The following COL7A1 variants were observed in gnomAD, a reference collection of about 807,000 sequenced individuals.
COL7A1 encodes the protein collagen type VII alpha 1 chain, also known as collagen alpha-1(VII) chain.
COL7A1 carries 296 observed loss-of-function variants against 456.2 expected under a neutral mutation model. The observed-to-expected ratio is 0.65, with a 90% confidence interval of 0.59 to 0.71. The LOEUF is 0.71. Among genes scored for constraint, COL7A1 ranks in the 30% least tolerant of loss-of-function variants. The pLI, the probability that COL7A1 is intolerant of heterozygous loss-of-function variation, is 0.00. For synonymous variants in COL7A1, 1,464 were observed against 1,525.9 expected (o/e 0.96, Z 0.95); for missense variants, 3,441 against 4,017.2 (o/e 0.86, Z 3.88).
Position 48,590,953 on chromosome 3 carries a change from G to C in COL7A1, c.1637-137C>G. The C allele has an allele frequency of 1.0e-6, 1 of 962,934 alleles. No individual in the cohort carries two copies. The highest frequency in any genetic ancestry group is 1.4e-5 in the South Asian group (1 of 71,922). The allele number at this position is 962,934 out of a possible 1,614,324, so 59.6% of individuals were successfully genotyped here. On this transcript the variant is annotated intron_variant, in intron 13 of 118. Coordinates refer to ENST00000681320, the MANE Select transcript of COL7A1 (RefSeq NM_000094.4). The surrounding 1 kb of genome is among the most constrained non-coding windows in gnomAD (Gnocchi z 4.6). ...TGGGGTGGTGGGGACCAGAGAGCTG[G>C]GATATGGCTGAAAAAAGTGAGTGCA...
Position 48,588,471 on chromosome 3 carries a change from C to A in COL7A1, c.2588-67G>T. 1 of 1,595,328 alleles carries A rather than the reference C, an allele frequency of 6.3e-7. No individual in the cohort carries two copies. Among genetic ancestry groups the A allele is most frequent in the Non-Finnish European group, 8.5e-7 (1 of 1,176,038 alleles). On this transcript the variant is annotated intron_variant, in intron 20 of 118. Coordinates refer to ENST00000681320, the MANE Select transcript of COL7A1 (RefSeq NM_000094.4). The surrounding 1 kb of genome is among the most constrained non-coding windows in gnomAD (Gnocchi z 4.6). ...GGCCCCTGCACCAATCCCAGGCCCA[C>A]CCTGGCACACGCACCCCGCCCAGCC...
At chr3:48,584,267 C>T (rs748425294) in intron 37 of COL7A1, 31 bp downstream of exon 37, 2 of 1,585,220 alleles carry the variant, frequency 1.3e-6, no homozygotes, top group South Asian at 2.3e-5. Flanking sequence ...CACCAGGTCT[C>T]TGCATCACAT....
rs776344680 is a variant in COL7A1 at position 48,592,600 on chromosome 3, C to T, written c.946G>A (p.Gly316Arg). ...CGAGCTGTCCCGCTCACAGCCTCCCCGATGCTGTTGGCGTAGAGGGCAATC... is the reference window on the plus strand; with the variant it reads ...CGAGCTGTCCCGCTCACAGCCTCCCTGATGCTGTTGGCGTAGAGGGCAATC... ...TVIALYANSIGEAVSGTARTT... is the reference protein window; with the variant it reads ...TVIALYANSIREAVSGTARTT... The change falls in exon 8 of 119, where the codon GGG becomes AGG. Residue 316 changes from glycine to arginine, a missense_variant. Physicochemically the swap from Gly to Arg is moderately radical, Grantham distance 125. Coordinates refer to ENST00000681320, the MANE Select transcript of COL7A1 (RefSeq NM_000094.4). The surrounding 1 kb of genome is among the most constrained non-coding windows in gnomAD (Gnocchi z 7.6). The T allele has an allele frequency of 8.1e-6, 13 of 1,613,904 alleles. No homozygotes were observed. Among genetic ancestry groups the T allele is most frequent in the African/African-American group, 6.7e-5 (5 of 74,912 alleles).
rs779790595 is a variant in COL7A1 at position 48,592,068 on chromosome 3, G to C, written c.1240+34C>G. 8 of 1,613,978 alleles carry C rather than the reference G, an allele frequency of 5.0e-6. No homozygotes were observed. The highest frequency in any genetic ancestry group is 6.8e-6 in the Non-Finnish European group (8 of 1,180,008). ...CCTCCGGGCCTTGCCCTGCCTGCCC[G>C]TCCCAGCCTGAAGAAAGTGCCCAGC... On this transcript the variant is annotated intron_variant, in intron 10 of 118. Transcript: ENST00000681320. This position sits in a 1 kb window ranked among gnomAD's most constrained non-coding sequence, Gnocchi z 7.6.
chr3:48,580,979 C>T lies in COL7A1; in HGVS notation c.4936-53G>A. ...CACAGGGCAGTCAGGATCTAACTCACTCAGGGAGAGGGGACAGAGAAGGGT... is the reference window on the plus strand; with the variant it reads ...CACAGGGCAGTCAGGATCTAACTCATTCAGGGAGAGGGGACAGAGAAGGGT... On this transcript the variant is annotated intron_variant, in intron 53 of 118. Transcript: ENST00000681320. This position sits in a 1 kb window ranked among gnomAD's most constrained non-coding sequence, Gnocchi z 4.5. 1 of 1,611,118 alleles carries T rather than the reference C, an allele frequency of 6.2e-7. No individual in the cohort carries two copies. Among genetic ancestry groups the T allele is most frequent in the Non-Finnish European group, 8.5e-7 (1 of 1,177,926 alleles).
At position 48,588,023 on chromosome 3, in the gene COL7A1, C is replaced by G; in HGVS notation, c.2711-84G>C. 1 of 1,473,680 alleles carries G rather than the reference C, an allele frequency of 6.8e-7. No individual in the cohort carries two copies. Among genetic ancestry groups the G allele is most frequent in the Non-Finnish European group, 9.2e-7 (1 of 1,087,778 alleles). The allele number at this position is 1,473,680 out of a possible 1,614,324, so 91.3% of individuals were successfully genotyped here. A position where few individuals can be genotyped will look rare whatever the true frequency, so the allele number is the denominator to read the frequency against. On this transcript the variant is annotated intron_variant, in intron 21 of 118. Coordinates refer to ENST00000681320, the MANE Select transcript of COL7A1 (RefSeq NM_000094.4). The surrounding 1 kb of genome is among the most constrained non-coding windows in gnomAD (Gnocchi z 4.6). ...TTAAAGGGCCTGCCCACTTCACTGG[C>G]TCTGTTAACTGGGTTCACCCTCCTG...
At position 48,590,723 on chromosome 3, in the gene COL7A1, G is replaced by A. The variant is rs750167923; in HGVS notation, c.1730C>T (p.Ala577Val). The change falls in exon 14 of 119, where the codon GCT becomes GTT. Residue 577 changes from alanine to valine, a missense_variant. By Grantham distance (64) the Ala-to-Val change is moderately conservative (BLOSUM62 0). Around this residue, in one of 3 missense-constraint regions of COL7A1, gnomAD observed 913 missense variants for 1,088.2 expected, o/e 0.84. Coordinates refer to ENST00000681320, the MANE Select transcript of COL7A1 (RefSeq NM_000094.4). The surrounding 1 kb of genome is among the most constrained non-coding windows in gnomAD (Gnocchi z 4.6). ...ACTGCCCTCACGGGGACCCACTCGA[G>A]CAGACACCCGCACAGTGTAGCTAAG... The part of the protein sequence containing the change: ...AGLSYTVRVS[A>V]RVGPREGSAS... The A allele has an allele frequency of 1.2e-6, 2 of 1,614,022 alleles. No homozygotes were observed. The highest frequency in any genetic ancestry group is 1.1e-5 in the South Asian group (1 of 91,084).
rs557729440 is a variant in COL7A1, at chr3:48,593,777, G to A, written c.267-81C>T. 358 of 1,539,756 alleles carry A rather than the reference G, an allele frequency of 2.3e-4. 4 individuals are homozygous for A. In the South Asian group the frequency reaches 3.8e-3, roughly 16 times the overall value. On this transcript the variant is annotated intron_variant, in intron 3 of 118. Transcript: ENST00000681320. This position sits in a 1 kb window ranked among gnomAD's most constrained non-coding sequence, Gnocchi z 4.4. ...GCCTTGAGGAGGCCTCTAGGGTGAG[G>A]GTTACGGGTATCAGGCTCTCTTGAG... is the stretch of plus-strand genomic sequence containing the variant.
At position 48,565,287 on chromosome 3, in the gene COL7A1, A is replaced by G. The variant is rs1560192188; in HGVS notation, c.8528-86T>C. ...GCACTGATTTCCACTGTGTGCACAC[A>G]GTGCCCATGCGTGTGCCCTGCATGC... On this transcript the variant is annotated intron_variant, in intron 116 of 118. Coordinates refer to ENST00000681320, the MANE Select transcript of COL7A1 (RefSeq NM_000094.4). The surrounding 1 kb of genome is among the most constrained non-coding windows in gnomAD (Gnocchi z 4.5). The G allele has an allele frequency of 6.7e-7, 1 of 1,494,188 alleles. No homozygotes were observed. The allele number at this position is 1,494,188 out of a possible 1,614,324, so 92.6% of individuals were successfully genotyped here.
Position 48,593,846 on chromosome 3 carries a change from A to AC in COL7A1, c.267-151_267-150insG. 1 of 986,312 alleles carries AC rather than the reference A, an allele frequency of 1.0e-6. No homozygotes were observed. Among genetic ancestry groups the AC allele is most frequent in the Non-Finnish European group, 1.6e-6 (1 of 641,402 alleles). 61.1% of individuals were successfully genotyped at this position (986,312 alleles called of 1,614,324 possible). A position where few individuals can be genotyped will look rare whatever the true frequency, so the allele number is the denominator to read the frequency against. ...ATTCTCCACACCCACTTGCCTCTGG[A>AC]ACCCCCAGGTTAACAAACTCCCCAG... On this transcript the variant is annotated intron_variant, in intron 3 of 118. Transcript: ENST00000681320. The surrounding 1 kb of genome is among the most constrained non-coding windows in gnomAD (Gnocchi z 4.4).
Position 48,584,850 on chromosome 3 carries a change from C to T in COL7A1, c.4011+60G>A, listed in dbSNP as rs1212819447. ...GGCACTGCACCACCACCCCAGGCTCCCACCCTGTGGAAGAACCCTGGGAAG... is the reference window on the plus strand; with the variant it reads ...GGCACTGCACCACCACCCCAGGCTCTCACCCTGTGGAAGAACCCTGGGAAG... On this transcript the variant is annotated intron_variant, in intron 34 of 118. Transcript: ENST00000681320. 3.1e-6 allele frequency: 5 copies of T among 1,613,782 alleles called. No individual in the cohort carries two copies. The Admixed American group carries it at 8.3e-5, about 27-fold the overall frequency.
Position 48,565,641 on chromosome 3 carries a change from C to G in COL7A1, c.8435G>C (p.Gly2812Ala). The change falls in exon 115 of 119, where the codon GGA becomes GCA. Residue 2812 changes from glycine (G) to alanine (A), a missense_variant. Physicochemically the swap from Gly to Ala is moderately conservative, Grantham distance 60. This residue lies in a region of COL7A1 where 2,084 missense variants were observed against 2,501.3 expected (regional missense o/e 0.83). Coordinates refer to ENST00000681320, the MANE Select transcript of COL7A1 (RefSeq NM_000094.4). This position sits in a 1 kb window ranked among gnomAD's most constrained non-coding sequence, Gnocchi z 4.5. ...GGGAGTAGAAAACTACTCACGTGAT[C>G]CAGATGCGATGAACTGGCCCTGGCA... ...CACQGQFIASGSRPLPSYAAD... is the reference protein window; with the variant it reads ...CACQGQFIASASRPLPSYAAD... 1 of 1,613,888 alleles carries G rather than the reference C, an allele frequency of 6.2e-7. No homozygotes were observed. Among genetic ancestry groups the G allele is most frequent in the Non-Finnish European group, 8.5e-7 (1 of 1,179,966 alleles).
chr3:48,582,046 C>G lies in COL7A1; in HGVS notation c.4636-103G>C, dbSNP rs371403139. 1.9e-5 allele frequency: 29 copies of G among 1,522,980 alleles called. No homozygotes were observed. The African/African-American group carries it at 2.3e-4, about 12-fold the overall frequency. 94.3% of individuals were successfully genotyped at this position (1,522,980 alleles called of 1,614,324 possible). ...ACATGGAATTGGAAGTCATACAGCT[C>G]AGTCCCCGCCCAGAAGTCACAGAGT... On this transcript the variant is annotated intron_variant, in intron 47 of 118. Transcript: ENST00000681320.
chr3:48,594,351 C>G lies in COL7A1; in HGVS notation c.266+17G>C. 6.2e-7 allele frequency: 1 copy of G among 1,608,202 alleles called. No individual in the cohort carries two copies. The highest frequency in any genetic ancestry group is 8.5e-7 in the Non-Finnish European group (1 of 1,179,908). On this transcript the variant is annotated intron_variant, in intron 3 of 118. Transcript: ENST00000681320. This position sits in a 1 kb window ranked among gnomAD's most constrained non-coding sequence, Gnocchi z 5.5. ...GTGGGGATCTCGTGGTCCCCAGCCCCCAGGGCCCCTACTCACCGTGGGTCA... is the reference window on the plus strand; with the variant it reads ...GTGGGGATCTCGTGGTCCCCAGCCCGCAGGGCCCCTACTCACCGTGGGTCA...
At position 48,579,302 on chromosome 3, in the gene COL7A1, GCCA is replaced by G. The variant is rs1296236176; in HGVS notation, c.5308-28_5308-26del. ...CCTGTGGAAAATAGAGTGGTAAGAG[GCCA>G]CCAAGGCTGAGGTGGATCTGATAAC... On this transcript the variant is annotated intron_variant, in intron 61 of 118. Transcript: ENST00000681320. The surrounding 1 kb of genome is among the most constrained non-coding windows in gnomAD (Gnocchi z 4.4). 3.1e-6 allele frequency: 5 copies of G among 1,614,040 alleles called. No individual in the cohort carries two copies. The South Asian group carries it at 4.4e-5, about 14-fold the overall frequency.
Position 48,592,857 on chromosome 3 carries a change from G to A in COL7A1, c.764C>T (p.Ala255Val). The A allele has an allele frequency of 6.2e-7, 1 of 1,614,024 alleles. No individual in the cohort carries two copies. The highest frequency in any genetic ancestry group is 1.7e-5 in the Admixed American group (1 of 60,028). Residue 255 changes from alanine (A) to valine (V), a missense_variant, in exon 7 of 119, where the codon GCC becomes GTC. Ala to Val is a moderately conservative substitution (Grantham distance 64). This residue lies in a region of COL7A1 where 913 missense variants were observed against 1,088.2 expected (regional missense o/e 0.84). Coordinates refer to ENST00000681320, the MANE Select transcript of COL7A1 (RefSeq NM_000094.4). The surrounding 1 kb of genome is among the most constrained non-coding windows in gnomAD (Gnocchi z 7.6). ...SQSLRVQWTA[A>V]SGPVTGYKVQ... ...CTTGTAGCCAGTCACAGGGCCACTG[G>A]CCGCTGTCCACTGTACTCTCAAGGA...
chr3:48,576,845 G>A (rs759691565), intron 67 of COL7A1, 39 bp downstream of exon 67: 2 of 1,613,944 alleles, frequency 1.2e-6, no homozygotes, highest in Non-Finnish European at 1.7e-6. Context: ...CCAGGGTCAG[G>A]GTCAGGGGTC....
Position 48,568,686 on chromosome 3 carries a change from G to C in COL7A1, c.7758+98C>G, listed in dbSNP as rs540498667. On this transcript the variant is annotated intron_variant, in intron 104 of 118. Transcript: ENST00000681320. The surrounding 1 kb of genome is among the most constrained non-coding windows in gnomAD (Gnocchi z 5.2). ...CACACATGGGGCCGGCAGCAAGGGA[G>C]CCAGAACCCCCAGCACTTAAGAGGA... 6.1e-6 allele frequency: 9 copies of C among 1,483,304 alleles called. No homozygotes were observed. In the Middle Eastern group the frequency reaches 9.6e-4, roughly 158 times the overall value. The allele number at this position is 1,483,304 out of a possible 1,614,324, so 91.9% of individuals were successfully genotyped here. A position where few individuals can be genotyped will look rare whatever the true frequency, so the allele number is the denominator to read the frequency against.
chr3:48,589,862 G>T, intron 16 of COL7A1, 144 bp from the exon 17 acceptor site: 1 of 1,230,964 alleles, frequency 8.1e-7, no homozygotes, highest in Non-Finnish European at 1.2e-6. Flanking sequence ...GAGTGGGGAG[G>T]TGGAGGTTTT....
Sources: allele counts gnomAD v4.1 joint callset, GRCh38; gene constraint gnomAD v4.1.1; regional missense constraint gnomAD v4.1.1; non-coding constraint Gnocchi (gnomAD v3.1); transcripts MANE v1.5; gene names NCBI Gene and HGNC (gene_info 2026-07-23, HGNC 2026-07-21).